The following NAV3 variants were observed in gnomAD, a reference collection of about 807,000 sequenced individuals.
NAV3 encodes the protein pore membrane and/or filament interacting like protein 1.
NAV3 carries 87 observed loss-of-function variants against 244.7 expected under a neutral mutation model. The observed-to-expected ratio is 0.36, with a 90% CI of 0.30 to 0.42. The LOEUF is 0.42. Among genes scored for constraint, NAV3 ranks in the 20% least tolerant of loss-of-function variants. The pLI is 1.00. For synonymous variants in NAV3, 1,126 were observed against 1,042.2 expected (o/e 1.08, Z -1.55); for missense variants, 2,663 against 2,893.3 (o/e 0.92, Z 1.83).
intron 2 of NAV3, among the ~76,000 whole-genome samples, chr12:77,658,294 A>G (rs1873229947): frequency 6.6e-6 from 1 of 151,824 alleles, no homozygotes; most frequent in Middle Eastern, 3.2e-3. Flanking sequence ...AAAAATCACA[A>G]GCATTCTTAT....
chr12:77,833,009 C>G (rs1226141680), intron 1 of NAV3, among the ~76,000 whole-genome samples: 5 of 152,180 alleles, frequency 3.3e-5, no homozygotes, highest in Non-Finnish European at 7.4e-5. Context: ...ACTCCTTTTT[C>G]TACAATGCCC....
intron 2 of NAV3, among the ~76,000 whole-genome samples, chr12:77,604,766 T>A (rs1194515941): frequency 6.6e-6 from 1 of 152,080 alleles, no homozygotes; most frequent in Non-Finnish European, 1.5e-5. Flanking sequence ...ATAGCGAAAT[T>A]TAAATGGTGC....
chr12:78,209,295 G>T (rs1960649706), intron 39 of NAV3, among the ~76,000 whole-genome samples: 1 of 151,994 alleles, frequency 6.6e-6, no homozygotes. Flanking sequence ...AGCATGCATA[G>T]CTTAACATAT....
intron 12 of NAV3, among the ~76,000 whole-genome samples, 163 bp from the exon 13 acceptor site, chr12:78,116,609 C>T (rs1360537723): frequency 3.3e-5 from 5 of 152,092 alleles, no homozygotes; most frequent in African/African-American, 9.7e-5. Flanking sequence ...ACCCTCAGTT[C>T]ATATAAATAT....
At chr12:78,090,189 G>C (rs995266166) in intron 12 of NAV3, among the ~76,000 whole-genome samples, 12 of 146,554 alleles carry the variant, frequency 8.2e-5, no homozygotes, top group Non-Finnish European at 1.7e-4. Flanking sequence ...ATATATGTGT[G>C]TATATATATA....
At chr12:78,079,889 AAAT>A in intron 12 of NAV3, among the ~76,000 whole-genome samples, 1 of 152,340 alleles carries the variant, frequency 6.6e-6, no homozygotes, top group East Asian at 1.9e-4. Flanking sequence ...GTACGTGTTT[AAAT>A]AATAATATGA....
At chr12:77,960,043 A>G (rs900416648) in intron 3 of NAV3, among the ~76,000 whole-genome samples, 17 of 151,646 alleles carry the variant, frequency 1.1e-4, no homozygotes, top group African/African-American at 3.4e-4. Context: ...GTCAACAGTA[A>G]TGCATTAAGC....
intron 2 of NAV3, among the ~76,000 whole-genome samples, chr12:77,684,389 C>T (rs181422140): frequency 6.6e-6 from 1 of 152,160 alleles, no homozygotes; most frequent in Admixed American, 6.6e-5. Context: ...CTGTCTCTCT[C>T]TCTTTCTTTC....
intron 2 of NAV3, among the ~76,000 whole-genome samples, chr12:77,636,427 T>G (rs935766453): frequency 7.0e-6 from 1 of 142,764 alleles, no homozygotes; most frequent in East Asian, 2.1e-4. Flanking sequence ...ATTGCACCAC[T>G]GCACTCTGGC....
At chr12:77,656,975 T>A (rs1031688298) in intron 2 of NAV3, among the ~76,000 whole-genome samples, 14 of 152,024 alleles carry the variant, frequency 9.2e-5, no homozygotes, top group African/African-American at 3.4e-4. Context: ...AGAGGGAAAT[T>A]TATAGCACTA....
intron 26 of NAV3, 29 bp downstream of exon 26, chr12:78,176,488 T>A (rs747747457): frequency 1.2e-6 from 2 of 1,611,696 alleles, no homozygotes; most frequent in South Asian, 1.1e-5. Flanking sequence ...CAATTTGGCA[T>A]GCATCTATAA....
rs1034037064 is a variant in NAV3, at chr12:77,663,818, G to A, written c.72+91552G>A. ...TTACAGGCGTGAGCCACCACTCCCA[G>A]CCAGCAGTATTTCTTTTAAGTGAGC... On this transcript the variant is annotated intron_variant, in intron 2 of 8. Coordinates refer to the NAV3 transcript ENST00000550042. Among the ~76,000 whole-genome samples the A allele has an allele frequency of 3.2e-4, 49 of 152,294 alleles. 1 individual carries two copies. The highest frequency in any genetic ancestry group is 1.1e-3 in the African/African-American group (45 of 41,580).
intron 22 of NAV3, 70 bp from the exon 23 acceptor site, chr12:78,159,133 A>G: frequency 1.5e-6 from 2 of 1,333,868 alleles, no homozygotes; most frequent in Non-Finnish European, 1.1e-6. Flanking sequence ...CATTTTGTAA[A>G]ATGAAGGCTT....
intron 9 of NAV3, among the ~76,000 whole-genome samples, chr12:78,032,098 C>A (rs1440994709): frequency 6.6e-6 from 1 of 152,104 alleles, no homozygotes; most frequent in East Asian, 1.9e-4. Context: ...GAAACTATTT[C>A]TCCTCTACTT....
intron 8 of NAV3, among the ~76,000 whole-genome samples, chr12:78,018,448 A>G (rs1876599609): frequency 6.6e-6 from 1 of 152,196 alleles, no homozygotes; most frequent in South Asian, 2.1e-4. Flanking sequence ...TATACGGCTA[A>G]AATACATTCC....
chr12:78,023,575 A>T (rs1033596012), intron 9 of NAV3, among the ~76,000 whole-genome samples: 2 of 152,186 alleles, frequency 1.3e-5, no homozygotes, highest in Non-Finnish European at 2.9e-5. Flanking sequence ...TTGTCTAATT[A>T]TGTCAATCTC....
chr12:77,701,034 TG>T, intron 2 of NAV3, among the ~76,000 whole-genome samples: 1 of 151,874 alleles, frequency 6.6e-6, no homozygotes, highest in East Asian at 1.9e-4. Flanking sequence ...AATTATTTTT[TG>T]CATGTGAGGT....
chr12:77,862,252 G>T (rs1879358403), intron 1 of NAV3, among the ~76,000 whole-genome samples: 1 of 151,658 alleles, frequency 6.6e-6, no homozygotes, highest in African/African-American at 2.4e-5. Context: ...ATGTTTTTAA[G>T]TTAAATATAT....
At chr12:77,815,666 G>T (rs1592707802) in intron 2 of NAV3, among the ~76,000 whole-genome samples, 1 of 152,070 alleles carries the variant, frequency 6.6e-6, no homozygotes, top group Admixed American at 6.6e-5. Context: ...CATCACAGTT[G>T]TAATATAAAA....
Sources: gnomAD v4.1 joint callset for allele counts (sites outside exome capture counted in the v4.1 genomes callset) on GRCh38, gnomAD v4.1.1 for gene constraint, MANE v1.5 for transcripts, NCBI Gene and HGNC (gene_info 2026-07-23, HGNC 2026-07-21) for gene names.